Variants in TMEM132B observed in about 807,000 individuals in gnomAD.
The protein encoded by TMEM132B is transmembrane protein 132B.
A neutral mutation model predicts 90.8 loss-of-function variants in TMEM132B; 18 were observed. That is an observed-to-expected ratio of 0.20 (90% CI 0.14 to 0.29). TMEM132B has a LOEUF of 0.29. Ranked by LOEUF, TMEM132B falls within the 10% of genes least tolerant of loss-of-function variation. The pLI is 1.00. For synonymous variants in TMEM132B, 504 were observed against 523.3 expected, an observed-to-expected ratio of 0.96 and a Z score of 0.50; for missense variants, 1,096 against 1,326.8, an observed-to-expected ratio of 0.83 and a Z score of 2.70.
chr12:125,503,114 G>A (rs998648600), intron 3 of TMEM132B, among the ~76,000 whole-genome samples: 6 of 152,166 alleles, frequency 3.9e-5, no homozygotes, highest in African/African-American at 7.2e-5. Flanking sequence ...GCCTTAAGAC[G>A]GAGAAGAGTT....
At chr12:125,232,021 C>T (rs770212210) in intron 1 of TMEM132B, among the ~76,000 whole-genome samples, 2 of 152,098 alleles carry the variant, frequency 1.3e-5, no homozygotes, top group African/African-American at 2.4e-5. Flanking sequence ...GCACAGTATA[C>T]ATACTTTTTT....
chr12:125,288,418 G>A (rs528004215), intron 1 of TMEM132B, among the ~76,000 whole-genome samples: 4 of 144,682 alleles, frequency 2.8e-5, no homozygotes, highest in East Asian at 4.2e-4. Context: ...AGCCAACATC[G>A]CGCCACTGCA....
rs556415629 is a variant in TMEM132B at position 125,209,794 on chromosome 12, C to T, written c.67+22928C>T. Among the ~76,000 whole-genome samples, 9 of 152,260 alleles carry T rather than the reference C, an allele frequency of 5.9e-5. No individual in the cohort carries two copies. The highest frequency in any genetic ancestry group is 1.9e-4 in the African/African-American group (8 of 41,552). ...AAGAACACAATGACACCAGTTGTAC[C>T]GGTATAGTCTCTCCTTGTGGAACAT... On this transcript the variant is annotated intron_variant, in intron 1 of 8. Transcript: ENST00000682704. The surrounding 1 kb of genome is among the most constrained non-coding windows in gnomAD (Gnocchi z 4.4).
At chr12:125,221,663 G>A (rs1345763948) in intron 1 of TMEM132B, among the ~76,000 whole-genome samples, 1 of 152,212 alleles carries the variant, frequency 6.6e-6, no homozygotes. Context: ...GGAAGGTCTT[G>A]AAATGGCCTT....
chr12:125,471,049 T>C (rs1216979966), intron 3 of TMEM132B, among the ~76,000 whole-genome samples: 2 of 152,230 alleles, frequency 1.3e-5, no homozygotes, highest in Non-Finnish European at 2.9e-5. Flanking sequence ...CCGGCGCCCA[T>C]GTGGGGCTGT....
At chr12:125,500,101 CT>C (rs2136594589) in intron 3 of TMEM132B, among the ~76,000 whole-genome samples, 1 of 152,278 alleles carries the variant, frequency 6.6e-6, no homozygotes, top group African/African-American at 2.4e-5. Flanking sequence ...CTTTCACTAT[CT>C]TGTGTGTGTC....
chr12:125,228,992 C>G (rs914950251), intron 1 of TMEM132B, among the ~76,000 whole-genome samples: 1 of 152,150 alleles, frequency 6.6e-6, no homozygotes, highest in African/African-American at 2.4e-5. Flanking sequence ...CCCTGAGGAC[C>G]TGACCAACTA....
intron 3 of TMEM132B, among the ~76,000 whole-genome samples, chr12:125,486,826 C>A (rs904195077): frequency 1.4e-4 from 21 of 152,268 alleles, no homozygotes; most frequent in African/African-American, 5.1e-4. Flanking sequence ...TTACCGTCTT[C>A]CTTTTGGTAG....
rs60739492 is a variant in TMEM132B at position 125,260,922 on chromosome 12, T to TTGTGTGTGTGTG, written c.67+74073_67+74084dup. Among the ~76,000 whole-genome samples, 572 of 148,246 alleles carry TTGTGTGTGTGTG rather than the reference T, an allele frequency of 3.9e-3. 3 individuals are homozygous for TTGTGTGTGTGTG. The highest frequency in any genetic ancestry group is 9.9e-3 in the African/African-American group (396 of 40,172). ...CAGAGCGAGACCCTGTCTCTACAGATTGTGTGTGTGTGTGTGTGTGTGTGT... is the reference window on the plus strand; with the variant it reads ...CAGAGCGAGACCCTGTCTCTACAGATTGTGTGTGTGTGTGTGTGTGTGTGTGTGTGTGTGTGT... On this transcript the variant is annotated intron_variant, in intron 1 of 8. Coordinates refer to ENST00000682704, the MANE Select transcript of TMEM132B (RefSeq NM_001366854.1).
rs1438420475 is a variant in TMEM132B, at chr12:125,432,403, GTA to G, written c.1106+16728_1106+16729del. On this transcript the variant is annotated intron_variant, in intron 3 of 8. Coordinates refer to ENST00000682704, the MANE Select transcript of TMEM132B (RefSeq NM_001366854.1). ...TATATATATATATATATATATGTAT[GTA>G]TGTGTATATATATATATGTATGTGT... is the stretch of plus-strand genomic sequence containing the variant. Among the ~76,000 whole-genome samples, 133 of 27,808 alleles carry G rather than the reference GTA, an allele frequency of 4.8e-3. 19 individuals are homozygous for G. Among genetic ancestry groups the G allele is most frequent in the Middle Eastern group, 0.023 (1 of 44 alleles). 18.2% of individuals were successfully genotyped at this position (27,808 alleles called of 152,430 possible).
chr12:125,206,547 T>C (rs1205678778), intron 1 of TMEM132B, among the ~76,000 whole-genome samples: 1 of 152,122 alleles, frequency 6.6e-6, no homozygotes, highest in Non-Finnish European at 1.5e-5. Flanking sequence ...CTGATTGATA[T>C]AAACGAGGTC....
chr12:125,191,509 T>TG (rs1170936378), intron 1 of TMEM132B, among the ~76,000 whole-genome samples: 1 of 152,142 alleles, frequency 6.6e-6, no homozygotes, highest in African/African-American at 2.4e-5. Context: ...TCTCTAGCCT[T>TG]GTGCGGAATG....
At chr12:125,288,755 G>A (rs1012683493) in intron 1 of TMEM132B, among the ~76,000 whole-genome samples, 3 of 152,130 alleles carry the variant, frequency 2.0e-5, no homozygotes, top group East Asian at 3.9e-4. Flanking sequence ...ACTAGATGCC[G>A]GTACCACTCA....
chr12:125,648,925 C>G (rs181297495), intron 6 of TMEM132B, among the ~76,000 whole-genome samples: 159 of 152,232 alleles, frequency 1.0e-3, no homozygotes, highest in African/African-American at 3.8e-3. Flanking sequence ...TCTTTATTAA[C>G]TAAAGGAAAG....
intron 4 of TMEM132B, among the ~76,000 whole-genome samples, chr12:125,551,716 AAC>A (rs1884234540): frequency 6.6e-6 from 1 of 152,114 alleles, no homozygotes; most frequent in East Asian, 1.9e-4. Flanking sequence ...GGCTTGGAAC[AAC>A]AGTCTTTTAT....
chr12:125,206,653 C>A (rs540139371), intron 1 of TMEM132B, among the ~76,000 whole-genome samples: 1 of 152,124 alleles, frequency 6.6e-6, no homozygotes, highest in Non-Finnish European at 1.5e-5. Flanking sequence ...TAGCCCATTG[C>A]TCGGTTGCCT....
chr12:125,430,431 G>A (rs553210434), intron 3 of TMEM132B, among the ~76,000 whole-genome samples: 10 of 152,284 alleles, frequency 6.6e-5, no homozygotes, highest in Admixed American at 3.9e-4. Context: ...GCGGAAACCC[G>A]GTCTAGGGAA....
intron 1 of TMEM132B, among the ~76,000 whole-genome samples, chr12:125,306,736 A>C (rs964939653): frequency 5.9e-5 from 9 of 152,120 alleles, no homozygotes; most frequent in African/African-American, 2.2e-4. Context: ...CTTTCTTCCC[A>C]CAACAACCAA....
intron 1 of TMEM132B, among the ~76,000 whole-genome samples, chr12:125,234,199 T>G (rs1873882378): frequency 6.6e-6 from 1 of 152,194 alleles, no homozygotes; most frequent in African/African-American, 2.4e-5. Flanking sequence ...ATGAAGTTCA[T>G]AGTTTTTGCA....
Sources: allele counts gnomAD v4.1 joint callset (sites outside exome capture counted in the v4.1 genomes callset), GRCh38; gene constraint gnomAD v4.1.1; non-coding constraint Gnocchi (gnomAD v3.1); transcripts MANE v1.5; gene names NCBI Gene and HGNC (gene_info 2026-07-23, HGNC 2026-07-21).